Variants in TMEM132C observed in about 807,000 individuals in gnomAD.
The protein encoded by TMEM132C is transmembrane protein 132C, also known as protein phosphatase 1, regulatory subunit 152.
In TMEM132C, 29 loss-of-function variants were observed where a neutral mutation model predicts 61.4. The ratio of observed to expected loss-of-function variants is 0.47; its 90% CI spans 0.35 to 0.64. The LOEUF (loss-of-function observed/expected upper bound fraction) is 0.64, where lower values mean the gene tolerates loss of function less well. Among genes scored for constraint, TMEM132C ranks in the 30% least tolerant of loss-of-function variants. The probability of loss-of-function intolerance (pLI) is 0.00; values close to 1 mark genes in which losing one functional copy is unlikely to be tolerated. For synonymous variants in TMEM132C, 656 were observed against 633.1 expected, an observed-to-expected ratio of 1.04 and a Z score of -0.54; for missense variants, 1,408 against 1,476.9, an observed-to-expected ratio of 0.95 and a Z score of 0.76.
chr12:128,477,965 T>C, intron 2 of TMEM132C, among the ~76,000 whole-genome samples: 1 of 152,184 alleles, frequency 6.6e-6, no homozygotes. Context: ...CAAGAACATA[T>C]GTTTATCCAG....
At chr12:128,459,274 G>GA (rs1312463714) in intron 2 of TMEM132C, among the ~76,000 whole-genome samples, 4 of 152,218 alleles carry the variant, frequency 2.6e-5, no homozygotes, top group African/African-American at 9.6e-5. Flanking sequence ...TAAGTTCCAT[G>GA]AATGTGAACC....
intron 1 of TMEM132C, among the ~76,000 whole-genome samples, chr12:128,306,087 C>T (rs1276766008): frequency 6.6e-6 from 1 of 152,070 alleles, no homozygotes; most frequent in African/African-American, 2.4e-5. Context: ...TTTTATTTTC[C>T]AAATAGGTAT....
intron 1 of TMEM132C, among the ~76,000 whole-genome samples, chr12:128,307,932 T>A (rs2135924441): frequency 6.6e-6 from 1 of 152,328 alleles, no homozygotes; most frequent in Admixed American, 6.5e-5. Context: ...TGTCAGTCCC[T>A]TAGGGTGGGA....
intron 8 of TMEM132C, among the ~76,000 whole-genome samples, chr12:128,703,672 GTGTCTTCGCTATTGTGACTCCA>G (rs1421876713): frequency 6.6e-6 from 1 of 152,216 alleles, no homozygotes; most frequent in African/African-American, 2.4e-5. Context: ...GGTTGACTTT[GTGTCTTCGCTATTGTGACTCCA>G]TGTCTTTGCT....
At chr12:128,458,478 C>T (rs77344162) in intron 2 of TMEM132C, among the ~76,000 whole-genome samples, 10,214 of 152,070 alleles carry the variant, frequency 0.067, 424 homozygotes, top group Middle Eastern at 0.11. Context: ...GTAATCACTT[C>T]GTGGTGCTGG....
intron 3 of TMEM132C, among the ~76,000 whole-genome samples, chr12:128,597,502 A>AAGGAAAGG (rs1876015218): frequency 6.2e-5 from 1 of 16,136 alleles, no homozygotes; most frequent in Admixed American, 3.6e-4. Flanking sequence ...GGAAAGAAGG[A>AAGGAAAGG]AGGAAGGAAG....
chr12:128,572,761 A>C (rs1049312431), intron 3 of TMEM132C, among the ~76,000 whole-genome samples: 24 of 152,096 alleles, frequency 1.6e-4, no homozygotes, highest in African/African-American at 5.6e-4. Context: ...TCACATGCCC[A>C]CTGTGGCCTC....
intron 3 of TMEM132C, among the ~76,000 whole-genome samples, chr12:128,568,780 G>A (rs142381330): frequency 6.0e-4 from 92 of 152,268 alleles, no homozygotes; most frequent in African/African-American, 2.0e-3. Flanking sequence ...CCCGAGCCCC[G>A]TGTCCCTCAG....
chr12:128,590,534 G>C (rs1875714175), intron 3 of TMEM132C, among the ~76,000 whole-genome samples: 2 of 152,314 alleles, frequency 1.3e-5, no homozygotes, highest in Middle Eastern at 6.8e-3. Context: ...TTCCCAACGA[G>C]GGACTCCGGG....
chr12:128,576,403 C>G (rs562081986), intron 3 of TMEM132C, among the ~76,000 whole-genome samples: 1 of 152,280 alleles, frequency 6.6e-6, no homozygotes, highest in Admixed American at 6.5e-5. Context: ...ACCTCTGCAG[C>G]TTGAAGTTGA....
chr12:128,347,655 C>T (rs1186635498), intron 1 of TMEM132C, among the ~76,000 whole-genome samples: 11 of 152,110 alleles, frequency 7.2e-5, no homozygotes, highest in African/African-American at 1.7e-4. Flanking sequence ...CTTGAACTCC[C>T]GAGGTCAGGT....
At chr12:128,315,993 G>A (rs1407587617) in intron 1 of TMEM132C, among the ~76,000 whole-genome samples, 2 of 151,916 alleles carry the variant, frequency 1.3e-5, no homozygotes, top group African/African-American at 4.8e-5. Context: ...AGAATAGTGA[G>A]AGAATAAATT....
At chr12:128,388,827 A>G (rs985391910) in intron 1 of TMEM132C, among the ~76,000 whole-genome samples, 4 of 152,360 alleles carry the variant, frequency 2.6e-5, no homozygotes, top group Non-Finnish European at 4.4e-5. Flanking sequence ...TTTTGATGCA[A>G]TAACGGGGAG....
rs1868755083 is a variant in TMEM132C, at chr12:128,415,599, C to T, written c.953C>T (p.Ser318Phe). The change falls in exon 2 of 9, where the codon TCT becomes TTT. Residue 318 changes from serine (S) to phenylalanine (F), a missense_variant. Ser to Phe is a radical substitution (Grantham distance 155, BLOSUM62 -2). Transcript: ENST00000435159. This position sits in a 1 kb window ranked among gnomAD's most constrained non-coding sequence, Gnocchi z 5.8. ...TAYVTISSNS[S>F]VDLFILRAKV... The stretch of plus-strand genomic sequence containing the variant: ...TATGTCACCATCTCGAGCAATTCCT[C>T]TGTGGACCTCTTCATCTTGAGGTAG... The T allele has an allele frequency of 1.3e-6, 2 of 1,536,112 alleles. No homozygotes were observed. Among genetic ancestry groups the T allele is most frequent in the African/African-American group, 2.7e-5 (2 of 72,898 alleles).
intron 1 of TMEM132C, among the ~76,000 whole-genome samples, chr12:128,281,113 G>T (rs1450523466): frequency 6.6e-6 from 1 of 152,184 alleles, no homozygotes; most frequent in Admixed American, 6.5e-5. Context: ...TAGTATCTAT[G>T]AACAGGAGAC....
chr12:128,599,179 G>T (rs1876080078), intron 3 of TMEM132C, among the ~76,000 whole-genome samples: 1 of 152,168 alleles, frequency 6.6e-6, no homozygotes, highest in African/African-American at 2.4e-5. Context: ...CACCCCTGGG[G>T]TCATCACCCC....
rs755270225 is a variant in TMEM132C at position 128,705,446 on chromosome 12, G to T, written c.2478G>T (p.Gln826His). 7.1e-6 allele frequency: 11 copies of T among 1,551,146 alleles called. No homozygotes were observed. The highest frequency in any genetic ancestry group is 9.6e-6 in the Non-Finnish European group (11 of 1,146,976). The change falls in exon 9 of 9, where the codon CAG (glutamine) becomes CAT (histidine). Residue 826 changes from glutamine (Q) to histidine (H), a missense_variant. Transcript: ENST00000435159. Reference protein sequence around the residue: ...EIKNHASDRRQKGQHHERTGQ... With the variant: ...EIKNHASDRRHKGQHHERTGQ... ...AGAACCACGCCAGCGACCGCCGGCAGAAGGGCCAGCACCATGAGCGCACAG... is the reference window on the plus strand; with the variant it reads ...AGAACCACGCCAGCGACCGCCGGCATAAGGGCCAGCACCATGAGCGCACAG...
chr12:128,330,548 A>G (rs193069039), intron 1 of TMEM132C, among the ~76,000 whole-genome samples: 1 of 152,280 alleles, frequency 6.6e-6, no homozygotes, highest in Admixed American at 6.5e-5. Flanking sequence ...GCGAGACCCC[A>G]TCTCTAAAAA....
At chr12:128,469,660 GTGTATA>G (rs1046440427) in intron 2 of TMEM132C, among the ~76,000 whole-genome samples, 11 of 150,548 alleles carry the variant, frequency 7.3e-5, no homozygotes, top group Non-Finnish European at 1.6e-4. Flanking sequence ...GTGTGTGTGT[GTGTATA>G]TATATATATG....
Sources: allele counts gnomAD v4.1 joint callset (sites outside exome capture counted in the v4.1 genomes callset), GRCh38; gene constraint gnomAD v4.1.1; non-coding constraint Gnocchi (gnomAD v3.1); transcripts MANE v1.5; gene names NCBI Gene and HGNC (gene_info 2026-07-23, HGNC 2026-07-21).